The following UBE4A variants were observed in gnomAD, a reference collection of about 807,000 sequenced individuals.
The protein encoded by UBE4A is ubiquitination factor E4A.
In UBE4A, 48 loss-of-function variants were observed where a neutral mutation model predicts 117.9. The observed-to-expected ratio is 0.41, with a 90% CI of 0.32 to 0.52. The LOEUF is 0.52. Among genes scored for constraint, UBE4A ranks in the 20% least tolerant of loss-of-function variants. The pLI is 0.33. For synonymous variants in UBE4A, 407 were observed against 450.0 expected, an observed-to-expected ratio of 0.90 and a Z score of 1.21; for missense variants, 1,067 against 1,296.3, an observed-to-expected ratio of 0.82 and a Z score of 2.72.
At position 118,373,703 on chromosome 11, in the gene UBE4A, G is replaced by C. The variant is rs1269997899; in HGVS notation, c.1116+18G>C. 1 of 1,606,516 alleles carries C rather than the reference G, an allele frequency of 6.2e-7. No individual in the cohort carries two copies. Among genetic ancestry groups the C allele is most frequent in the South Asian group, 1.1e-5 (1 of 89,740 alleles). On this transcript the variant is annotated intron_variant, in intron 8 of 19. Coordinates refer to ENST00000252108, the MANE Select transcript of UBE4A (RefSeq NM_001204077.2). Reference sequence around the variant, plus strand: ...TCCATCAGGTGGAACTGTTTACCAGGGTATCCCAGCCCCCTGATCTTAAAA... The same window carrying C: ...TCCATCAGGTGGAACTGTTTACCAGCGTATCCCAGCCCCCTGATCTTAAAA...
chr11:118,373,422 T>G (rs533402978), intron 7 of UBE4A, 72 bp from the exon 8 acceptor site: 431 of 1,539,868 alleles, frequency 2.8e-4, no homozygotes, highest in Non-Finnish European at 3.6e-4. Flanking sequence ...ACTTAACTGT[T>G]TTGAGGCCCT....
intron 1 of UBE4A, among the ~76,000 whole-genome samples, 190 bp downstream of exon 1, chr11:118,359,864 C>G (rs1049917287): frequency 1.3e-5 from 2 of 152,114 alleles, no homozygotes; most frequent in East Asian, 1.9e-4. Context: ...TTACAGTGCC[C>G]CAGCTTCTGA....
intron 11 of UBE4A, 88 bp from the exon 12 acceptor site, chr11:118,381,303 T>C: frequency 6.7e-7 from 1 of 1,496,274 alleles, no homozygotes; most frequent in East Asian, 2.3e-5. Context: ...TTAACCTTCA[T>C]TAAGTAGGGT....
At chr11:118,392,631 A>C (rs1030916849) in intron 18 of UBE4A, 107 bp from the exon 19 acceptor site, 1 of 1,089,906 alleles carries the variant, frequency 9.2e-7, no homozygotes, top group Non-Finnish European at 1.3e-6. Flanking sequence ...AAGGGTTATT[A>C]ATGACCTGTT....
intron 10 of UBE4A, chr11:118,378,413 T>G (rs1948672447): frequency 6.6e-6 from 1 of 152,234 alleles, no homozygotes; most frequent in Non-Finnish European, 1.5e-5. Flanking sequence ...ATTTTAGAAC[T>G]AGAATGTATG....
rs749711071 is a variant in UBE4A at position 118,371,380 on chromosome 11, C to T, written c.409-134C>T. 5.1e-4 allele frequency: 580 copies of T among 1,142,752 alleles called. 3 individuals carry two copies. Among genetic ancestry groups the T allele is most frequent in the Non-Finnish European group, 5.5e-4 (460 of 830,350 alleles). 70.8% of individuals were successfully genotyped at this position (1,142,752 alleles called of 1,614,324 possible). ...TTCTAAAGTAAAAATATACAGGGCC[C>T]TTTTTTTCTCCTTCACTCTACATTC... On this transcript the variant is annotated intron_variant, in intron 4 of 19. Coordinates refer to ENST00000252108, the MANE Select transcript of UBE4A (RefSeq NM_001204077.2).
chr11:118,374,813 G>C (rs1555125087), intron 8 of UBE4A, 83 bp from the exon 9 acceptor site: 1 of 1,313,038 alleles, frequency 7.6e-7, no homozygotes, highest in East Asian at 2.5e-5. Flanking sequence ...GCATATTTTT[G>C]GAAACTGCCA....
chr11:118,389,366 G>A (rs1948790664), intron 16 of UBE4A, among the ~76,000 whole-genome samples: 1 of 152,154 alleles, frequency 6.6e-6, no homozygotes. Flanking sequence ...TATAGTTACT[G>A]AAAACAGTAA....
At chr11:118,367,081 G>A (rs961420164) in intron 2 of UBE4A, among the ~76,000 whole-genome samples, 2 of 151,990 alleles carry the variant, frequency 1.3e-5, no homozygotes, top group South Asian at 2.1e-4. Flanking sequence ...GTGGGCGCCT[G>A]TAGTCCCAGC....
rs535796657 is a variant in UBE4A at position 118,379,316 on chromosome 11, G to C, written c.1572-130G>C. ...TGTCCTGTCAAAAACTTTTGTGAGT[G>C]CCTTCTGTGTCATTGCAACTGCAAC... On this transcript the variant is annotated intron_variant, in intron 10 of 19. Coordinates refer to ENST00000252108, the MANE Select transcript of UBE4A (RefSeq NM_001204077.2). 22 of 1,010,114 alleles carry C rather than the reference G, an allele frequency of 2.2e-5. No individual in the cohort carries two copies. In the East Asian group the frequency reaches 5.0e-4, roughly 23 times the overall value. 62.6% of individuals were successfully genotyped at this position (1,010,114 alleles called of 1,614,324 possible).
At position 118,385,482 on chromosome 11, in the gene UBE4A, C is replaced by G. The variant is rs115483501; in HGVS notation, c.2412+537C>G. On this transcript the variant is annotated intron_variant, in intron 15 of 19. Transcript: ENST00000252108. ...TCATATTTCCACTGCCTTCTAAATT[C>G]TTAGCTATATGGTGAAACAAAGGTT... Among the ~76,000 whole-genome samples the G allele has an allele frequency of 3.9e-3, 590 of 152,272 alleles. 4 individuals carry two copies. The highest frequency in any genetic ancestry group is 0.014 in the African/African-American group (561 of 41,534).
rs1449382351 is a variant in UBE4A at position 118,398,151 on chromosome 11, G to C, written c.*1711G>C. 1 of 152,486 alleles carries C rather than the reference G, an allele frequency of 6.6e-6. No individual in the cohort carries two copies. Among genetic ancestry groups the C allele is most frequent in the Non-Finnish European group, 1.5e-5 (1 of 68,022 alleles). 9.4% of individuals were successfully genotyped at this position (152,486 alleles called of 1,614,324 possible). ...TTATCTTCCAAACCCAATCTAGTAG[G>C]ATGTTCTCATTTTAAAAACGAGGGG... On this transcript the variant is annotated 3_prime_UTR_variant, in exon 20 of 20. Transcript: ENST00000252108.
chr11:118,380,072 G>A (rs2134098828), intron 11 of UBE4A, among the ~76,000 whole-genome samples: 1 of 150,574 alleles, frequency 6.6e-6, no homozygotes, highest in Middle Eastern at 3.4e-3. Context: ...TGTCCTTTTT[G>A]TAGAAAAAAA....
Position 118,379,546 on chromosome 11 carries a change from C to G in UBE4A, c.1672C>G (p.Arg558Gly). The change falls in exon 11 of 20, where the codon CGT becomes GGT. Residue 558 changes from arginine (R) to glycine (G), a missense_variant. Arg to Gly is a moderately radical substitution (Grantham distance 125, BLOSUM62 -2). Coordinates refer to ENST00000252108, the MANE Select transcript of UBE4A (RefSeq NM_001204077.2). ...TTCTAGCCCTGCTGCTGACAATCTT[C>G]GTGAGCAGTTTGAACGACTGATGAC... is the stretch of plus-strand genomic sequence containing the variant. ...QSSSPAADNL[R>G]EQFERLMTIY... 1 of 1,614,202 alleles carries G rather than the reference C, an allele frequency of 6.2e-7. No homozygotes were observed.
intron 2 of UBE4A, among the ~76,000 whole-genome samples, chr11:118,368,410 T>C (rs1217358321): frequency 1.3e-5 from 2 of 152,238 alleles, no homozygotes; most frequent in African/African-American, 4.8e-5. Flanking sequence ...TAATTATGGA[T>C]AGAAATAAAA....
At chr11:118,391,888 G>T (rs1330264623) in intron 18 of UBE4A, among the ~76,000 whole-genome samples, 2 of 151,894 alleles carry the variant, frequency 1.3e-5, no homozygotes, top group Non-Finnish European at 2.9e-5. Context: ...TTTATGCACA[G>T]TGTTACCAAT....
intron 9 of UBE4A, 61 bp downstream of exon 9, chr11:118,375,290 T>G: frequency 7.1e-7 from 1 of 1,412,708 alleles, no homozygotes; most frequent in Non-Finnish European, 9.5e-7. Flanking sequence ...TGTAAAGCAT[T>G]CACTCCCTTA....
intron 16 of UBE4A, among the ~76,000 whole-genome samples, chr11:118,387,132 A>G (rs1555127399): frequency 6.6e-6 from 1 of 152,194 alleles, no homozygotes; most frequent in Non-Finnish European, 1.5e-5. Context: ...TATACTGATT[A>G]CATACTGAAA....
chr11:118,396,659 T>G lies in UBE4A; in HGVS notation c.*219T>G. ...CCTGGCTTGCAGGAAATTATACTTATTATAGCATCACCAAGTTTAGAAATC... is the reference window on the plus strand; with the variant it reads ...CCTGGCTTGCAGGAAATTATACTTAGTATAGCATCACCAAGTTTAGAAATC... On this transcript the variant is annotated 3_prime_UTR_variant, in exon 20 of 20. Transcript: ENST00000252108. 1 of 390,336 alleles carries G rather than the reference T, an allele frequency of 2.6e-6. No individual in the cohort carries two copies. The highest frequency in any genetic ancestry group is 4.4e-6 in the Non-Finnish European group (1 of 229,510). The allele number at this position is 390,336 out of a possible 1,614,324, so 24.2% of individuals were successfully genotyped here.
Sources: gnomAD v4.1 joint callset for allele counts (sites outside exome capture counted in the v4.1 genomes callset) on GRCh38, gnomAD v4.1.1 for gene constraint, MANE v1.5 for transcripts, NCBI Gene and HGNC (gene_info 2026-07-23, HGNC 2026-07-21) for gene names.